Variants in EPM2A observed in about 807,000 individuals in gnomAD.
EPM2A encodes EPM2A glucan phosphatase, laforin.
In EPM2A, 21 loss-of-function variants were observed where a neutral mutation model predicts 26.5. That is an observed-to-expected ratio of 0.79 (90% CI 0.56 to 1.14). The LOEUF is 1.14. EPM2A is among the 50% of genes most tolerant of loss of function. The probability of loss-of-function intolerance (pLI) is 0.00; values close to 1 mark genes in which losing one functional copy is unlikely to be tolerated. For missense variants in EPM2A, 458 were observed against 440.8 expected (o/e 1.04, Z -0.35); for synonymous variants, 217 against 177.6 (o/e 1.22, Z -1.76).
chr6:145,691,548 A>G, intron 1 of EPM2A, among the ~76,000 whole-genome samples: 1 of 152,152 alleles, frequency 6.6e-6, no homozygotes, highest in Admixed American at 6.5e-5. Flanking sequence ...AAACAAAATT[A>G]TAAGTAAATA....
intron 4 of EPM2A, among the ~76,000 whole-genome samples, chr6:145,394,882 C>T (rs938200011): frequency 2.6e-5 from 4 of 152,070 alleles, no homozygotes; most frequent in South Asian, 2.1e-4. Flanking sequence ...TCTTATGAGT[C>T]GACTTATAGG....
intron 4 of EPM2A, among the ~76,000 whole-genome samples, chr6:145,394,630 T>C (rs1279117464): frequency 4.6e-5 from 7 of 152,144 alleles, no homozygotes; most frequent in Admixed American, 2.6e-4. Context: ...GTTCAGGACT[T>C]TAAAGATATT....
At chr6:145,490,309 G>T in intron 4 of EPM2A, 1 of 1,470,958 alleles carries the variant, frequency 6.8e-7, no homozygotes, top group Non-Finnish European at 9.2e-7. Context: ...GGTCCCAGCT[G>T]TTAAACACAC....
chr6:145,624,936 C>A (rs1562407590), downstream of EPM2A, among the ~76,000 whole-genome samples: 1 of 152,158 alleles, frequency 6.6e-6, no homozygotes, highest in Admixed American at 6.5e-5. Flanking sequence ...TGTTTCAAGT[C>A]TGAAAGAAAA....
At chr6:145,431,274 A>T (rs1273159043) in intron 4 of EPM2A, among the ~76,000 whole-genome samples, 1 of 152,250 alleles carries the variant, frequency 6.6e-6, no homozygotes, top group Non-Finnish European at 1.5e-5. Flanking sequence ...TTATTATAAT[A>T]TTAAGAGTTA....
At chr6:145,665,889 T>C (rs866671029) in intron 2 of EPM2A, among the ~76,000 whole-genome samples, 1 of 150,656 alleles carries the variant, frequency 6.6e-6, no homozygotes, top group South Asian at 2.1e-4. Flanking sequence ...TAATCCAGCA[T>C]ATAAACAAAG....
intron 2 of EPM2A, among the ~76,000 whole-genome samples, chr6:145,685,357 G>T (rs144696926): frequency 0.011 from 1,650 of 152,226 alleles, 15 homozygotes; most frequent in Non-Finnish European, 0.017. Flanking sequence ...TTGTATGATG[G>T]TAAGTAACAA....
At chr6:145,542,957 C>T (rs757307619) in intron 2 of EPM2A, among the ~76,000 whole-genome samples, 6 of 152,076 alleles carry the variant, frequency 3.9e-5, no homozygotes, top group Non-Finnish European at 7.4e-5. Flanking sequence ...CGGGGTTTCT[C>T]CATGTTGGTC....
At position 145,735,242 on chromosome 6, in the gene EPM2A, T is replaced by C; in HGVS notation, c.257A>G (p.Tyr86Cys). ...TCCCGGCTCCCGCTTCAGGAACTTG[T>C]ACCAGAACGTGTCCACGCGGCCCGG... is the stretch of plus-strand genomic sequence containing the variant. ...AEPGRVDTFWYKFLKREPGGE... is the reference protein window; with the variant it reads ...AEPGRVDTFWCKFLKREPGGE... The change falls in exon 1 of 4, where the codon TAC becomes TGC. Residue 86 changes from tyrosine (Y) to cysteine (C), a missense_variant. Tyr to Cys is a radical substitution (Grantham distance 194). Coordinates refer to ENST00000367519, the MANE Select transcript of EPM2A (RefSeq NM_005670.4). The C allele has an allele frequency of 6.5e-7, 1 of 1,537,274 alleles. No individual in the cohort carries two copies. Among genetic ancestry groups the C allele is most frequent in the Non-Finnish European group, 8.8e-7 (1 of 1,140,990 alleles).
chr6:145,490,668 T>A lies in EPM2A; in HGVS notation c.555+11854A>T. On this transcript the variant is annotated intron_variant, in intron 4 of 4. Coordinates refer to the EPM2A transcript ENST00000638717. Reference sequence around the variant, plus strand: ...CACACTTGAAACTCTCAGTAGAGTGTGATTTCATGCGTTCCTTCAAATGAT... The same window carrying A: ...CACACTTGAAACTCTCAGTAGAGTGAGATTTCATGCGTTCCTTCAAATGAT... The A allele has an allele frequency of 8.1e-6, 5 of 617,102 alleles. No homozygotes were observed. In the Admixed American group the frequency reaches 9.7e-5, roughly 12 times the overall value. 38.2% of individuals were successfully genotyped at this position (617,102 alleles called of 1,614,324 possible).
chr6:145,554,459 G>GATAGATAGATAGATACATAGATAGATAC (rs1187061981), intron 2 of EPM2A, among the ~76,000 whole-genome samples: 124 of 151,594 alleles, frequency 8.2e-4, no homozygotes, highest in African/African-American at 2.8e-3. Flanking sequence ...TAGATAGATA[G>GATAGATAGATAGATACATAGATAGATAC]ATAGATAGAT....
chr6:145,425,081 A>ATAAAATT (rs1344005416), intron 4 of EPM2A, among the ~76,000 whole-genome samples: 7 of 148,254 alleles, frequency 4.7e-5, no homozygotes, highest in African/African-American at 1.7e-4. Flanking sequence ...TTTCTCATAC[A>ATAAAATT]TAAAATTTCA....
intron 2 of EPM2A, among the ~76,000 whole-genome samples, chr6:145,608,795 G>T (rs891058206): frequency 1.3e-5 from 2 of 152,162 alleles, no homozygotes; most frequent in South Asian, 2.1e-4. Flanking sequence ...GCATCTAAGA[G>T]CCAGCTCCCA....
intron 2 of EPM2A, among the ~76,000 whole-genome samples, chr6:145,606,991 T>C (rs1251312722): frequency 1.3e-5 from 2 of 152,132 alleles, no homozygotes; most frequent in African/African-American, 4.8e-5. Context: ...TTATATAATT[T>C]AGGAGCTTTT....
intron 2 of EPM2A, among the ~76,000 whole-genome samples, chr6:145,533,059 A>G (rs1389096906): frequency 6.6e-6 from 1 of 152,102 alleles, no homozygotes; most frequent in Non-Finnish European, 1.5e-5. Context: ...AGGCTTCCCA[A>G]ACTTAACAGG....
At chr6:145,440,221 G>A (rs1302510748) in intron 4 of EPM2A, among the ~76,000 whole-genome samples, 1 of 152,200 alleles carries the variant, frequency 6.6e-6, no homozygotes, top group Non-Finnish European at 1.5e-5. Flanking sequence ...GCAGACAGGA[G>A]AAGAGAGAGA....
At chr6:145,563,913 C>T (rs1780844307) in intron 2 of EPM2A, among the ~76,000 whole-genome samples, 1 of 152,136 alleles carries the variant, frequency 6.6e-6, no homozygotes, top group Non-Finnish European at 1.5e-5. Flanking sequence ...CCCTTGGTAT[C>T]CCTGAGGAAT....
chr6:145,409,790 G>T (rs762634319), intron 4 of EPM2A, among the ~76,000 whole-genome samples: 1 of 152,134 alleles, frequency 6.6e-6, no homozygotes, highest in African/African-American at 2.4e-5. Flanking sequence ...CAGCACTAGA[G>T]AATCCACTTC....
chr6:145,412,961 C>A (rs557590046), intron 4 of EPM2A, among the ~76,000 whole-genome samples: 69 of 152,066 alleles, frequency 4.5e-4, no homozygotes, highest in Non-Finnish European at 7.4e-4. Flanking sequence ...CCAGTCCACC[C>A]CTTACTACCA....
Sources: gnomAD v4.1 joint callset for allele counts (sites outside exome capture counted in the v4.1 genomes callset) on GRCh38, gnomAD v4.1.1 for gene constraint, MANE v1.5 for transcripts, NCBI Gene and HGNC (gene_info 2026-07-23, HGNC 2026-07-21) for gene names.